The following TRDN variants were observed in gnomAD, a reference collection of about 807,000 sequenced individuals.
TRDN encodes triadin, also known as triadin in skeletal muscle.
A neutral mutation model predicts 149.7 loss-of-function variants in TRDN; 161 were observed. The observed-to-expected ratio is 1.08, with a 90% CI of 0.95 to 1.23. TRDN has a LOEUF of 1.23. Ranked by LOEUF, TRDN falls within the 50% of genes most tolerant of loss-of-function variation. The pLI is 0.00. For missense variants in TRDN, 896 were observed against 823.5 expected (o/e 1.09, Z -1.08); for synonymous variants, 294 against 250.5 (o/e 1.17, Z -1.64).
At chr6:123,343,468 T>C (rs951921328) in intron 21 of TRDN, among the ~76,000 whole-genome samples, 2 of 151,894 alleles carry the variant, frequency 1.3e-5, no homozygotes, top group Non-Finnish European at 2.9e-5. Flanking sequence ...ATGATATATA[T>C]TGAAAAATTG....
At chr6:123,480,775 C>G (rs796351991) in intron 9 of TRDN, among the ~76,000 whole-genome samples, 12 of 152,166 alleles carry the variant, frequency 7.9e-5, no homozygotes, top group African/African-American at 2.9e-4. Flanking sequence ...ATTTGCTTCT[C>G]AAGAGATAGG....
rs184547394 is a variant in TRDN, at chr6:123,499,451, C to T, written c.794-2199G>A. Among the ~76,000 whole-genome samples the T allele has an allele frequency of 2.1e-3, 324 of 151,772 alleles. 1 individual carries two copies. The highest frequency in any genetic ancestry group is 4.2e-3 in the South Asian group (20 of 4,810). ...ATTCAACAAACCACACGCCTGTAAT[C>T]CCAGAACTTTCGGAGGCTGAGGCGG... On this transcript the variant is annotated intron_variant, in intron 8 of 40. Transcript: ENST00000334268.
intron 10 of TRDN, among the ~76,000 whole-genome samples, chr6:123,455,851 A>G (rs1200588924): frequency 6.6e-6 from 1 of 152,164 alleles, no homozygotes; most frequent in Non-Finnish European, 1.5e-5. Flanking sequence ...TACTGTTTCC[A>G]TATTTTATCT....
intron 20 of TRDN, among the ~76,000 whole-genome samples, chr6:123,362,531 T>C (rs1479369734): frequency 6.6e-6 from 1 of 152,194 alleles, no homozygotes; most frequent in Non-Finnish European, 1.5e-5. Context: ...TGCCTTGCTC[T>C]GAAATCTATG....
chr6:123,593,379 G>A (rs974043318), intron 1 of TRDN, among the ~76,000 whole-genome samples: 5 of 152,174 alleles, frequency 3.3e-5, no homozygotes, highest in African/African-American at 1.2e-4. Flanking sequence ...TTAACCATGG[G>A]TGAAAGCTGA....
At chr6:123,497,403 T>A (rs982515473) in intron 8 of TRDN, among the ~76,000 whole-genome samples, 151 bp from the exon 9 acceptor site, 1 of 152,086 alleles carries the variant, frequency 6.6e-6, no homozygotes, top group Non-Finnish European at 1.5e-5. Flanking sequence ...TGCACTTATA[T>A]GAAAATACAG....
Position 123,388,508 on chromosome 6 carries a change from T to C in TRDN, c.1135+14A>G. 6.3e-7 allele frequency: 1 copy of C among 1,584,462 alleles called. No homozygotes were observed. The highest frequency in any genetic ancestry group is 8.6e-7 in the Non-Finnish European group (1 of 1,162,996). ...ACTCACAAAAGGCTCAGTGGGATTTTGCATAAAACATACCTTCCTTCTTTT... is the reference window on the plus strand; with the variant it reads ...ACTCACAAAAGGCTCAGTGGGATTTCGCATAAAACATACCTTCCTTCTTTT... On this transcript the variant is annotated intron_variant, in intron 14 of 40. Coordinates refer to ENST00000334268, the MANE Select transcript of TRDN (RefSeq NM_006073.4).
At chr6:123,409,715 A>ACACACACC (rs35355392) in intron 12 of TRDN, among the ~76,000 whole-genome samples, 1 of 151,370 alleles carries the variant, frequency 6.6e-6, no homozygotes, top group African/African-American at 2.4e-5. Context: ...ACACACACAC[A>ACACACACC]CCCAAAACTC....
intron 2 of TRDN, 44 bp downstream of exon 2, chr6:123,570,878 AT>A: frequency 6.3e-7 from 1 of 1,576,506 alleles, no homozygotes; most frequent in African/African-American, 1.3e-5. Flanking sequence ...GTTTCTTTCC[AT>A]TTGAATTAAT....
intron 21 of TRDN, among the ~76,000 whole-genome samples, chr6:123,347,411 A>G (rs1170651911): frequency 6.6e-6 from 1 of 151,998 alleles, no homozygotes; most frequent in Non-Finnish European, 1.5e-5. Context: ...CATACTTTCT[A>G]TATCCTGTGT....
intron 38 of TRDN, among the ~76,000 whole-genome samples, chr6:123,228,644 AT>A (rs1325100738): frequency 6.6e-6 from 1 of 151,920 alleles, no homozygotes; most frequent in Non-Finnish European, 1.5e-5. Context: ...ATGTGGGGAT[AT>A]GGAAATATAG....
At chr6:123,586,588 C>T (rs562833615) in intron 1 of TRDN, among the ~76,000 whole-genome samples, 6 of 152,182 alleles carry the variant, frequency 3.9e-5, no homozygotes, top group South Asian at 2.1e-4. Flanking sequence ...TTGAAAGTGC[C>T]GTTTTCTGGC....
intron 21 of TRDN, chr6:123,350,023 C>T: frequency 1.0e-6 from 1 of 985,222 alleles, no homozygotes; most frequent in South Asian, 4.7e-5. Context: ...TTGAAACATT[C>T]CTTAATTTAA....
At chr6:123,348,908 T>G (rs1780353527) in intron 21 of TRDN, among the ~76,000 whole-genome samples, 1 of 152,136 alleles carries the variant, frequency 6.6e-6, no homozygotes, top group Non-Finnish European at 1.5e-5. Flanking sequence ...TGCCCATTTT[T>G]TGGGGTGAAA....
intron 35 of TRDN, among the ~76,000 whole-genome samples, chr6:123,259,348 A>T (rs1454025379): frequency 6.6e-6 from 1 of 152,122 alleles, no homozygotes; most frequent in East Asian, 1.9e-4. Flanking sequence ...GTTCAGTAGT[A>T]ATATGAAAAG....
rs138804026 is a variant in TRDN at position 123,371,859 on chromosome 6, C to G, written c.1273+3746G>C. Among the ~76,000 whole-genome samples, 992 of 152,222 alleles carry G rather than the reference C, an allele frequency of 6.5e-3. 10 individuals carry two copies. Among genetic ancestry groups the G allele is most frequent in the African/African-American group, 0.022 (933 of 41,552 alleles). On this transcript the variant is annotated intron_variant, in intron 19 of 40. Transcript: ENST00000334268. ...TGGTACTTAAACCTCATAAAATCAT[C>G]ACTCTAGTGCTGTATGAGTGCTGTT... is the stretch of plus-strand genomic sequence containing the variant.
intron 26 of TRDN, among the ~76,000 whole-genome samples, chr6:123,277,284 A>G (rs1232615662): frequency 6.6e-6 from 1 of 152,152 alleles, no homozygotes; most frequent in Non-Finnish European, 1.5e-5. Context: ...ACTTAGAACC[A>G]TGCTAGAATG....
chr6:123,283,443 C>T (rs960381612), intron 24 of TRDN, among the ~76,000 whole-genome samples: 2 of 151,360 alleles, frequency 1.3e-5, no homozygotes, highest in South Asian at 2.1e-4. Context: ...CCAAACCCAG[C>T]AGAAGAAAAG....
At chr6:123,487,519 A>ATAAACAGAC (rs1231243408) in intron 9 of TRDN, among the ~76,000 whole-genome samples, 1 of 151,996 alleles carries the variant, frequency 6.6e-6, no homozygotes, top group African/African-American at 2.4e-5. Flanking sequence ...TTCCGATCCC[A>ATAAACAGAC]TAAACAGACT....
Sources: allele counts gnomAD v4.1 joint callset (sites outside exome capture counted in the v4.1 genomes callset), GRCh38; gene constraint gnomAD v4.1.1; transcripts MANE v1.5; gene names NCBI Gene and HGNC (gene_info 2026-07-23, HGNC 2026-07-21).